The following SORCS2 variants were observed in gnomAD, a reference collection of about 807,000 sequenced individuals.
SORCS2 encodes the protein VPS10 domain-containing receptor SorCS2.
In SORCS2, 100 loss-of-function variants were observed where a neutral mutation model predicts 141.6. That is an observed-to-expected ratio of 0.71 (90% CI 0.60 to 0.83). The LOEUF is 0.83. SORCS2 is among the 40% of genes least tolerant of loss of function. The probability of loss-of-function intolerance (pLI) is 0.00; values close to 1 mark genes in which losing one functional copy is unlikely to be tolerated. For missense variants in SORCS2, 1,646 were observed against 1,560.2 expected (o/e 1.05, Z -0.93); for synonymous variants, 789 against 676.9 (o/e 1.17, Z -2.57).
intron 3 of SORCS2, among the ~76,000 whole-genome samples, chr4:7,544,791 AG>A (rs1277444330): frequency 6.6e-6 from 1 of 151,706 alleles, no homozygotes; most frequent in Non-Finnish European, 1.5e-5. Flanking sequence ...TGCCATCCCC[AG>A]TCTCCCCCAT....
intron 2 of SORCS2, among the ~76,000 whole-genome samples, chr4:7,446,328 C>A (rs536910273): frequency 6.6e-6 from 1 of 152,224 alleles, no homozygotes; most frequent in Admixed American, 6.5e-5. Flanking sequence ...CTTTCAGCAC[C>A]GCCCCTGCCA....
chr4:7,720,029 G>GTACACACGCTCACACA (rs1349664937), intron 18 of SORCS2, among the ~76,000 whole-genome samples: 2 of 152,034 alleles, frequency 1.3e-5, no homozygotes, highest in Non-Finnish European at 1.5e-5. Context: ...ACACTCACTG[G>GTACACACGCTCACACA]TACACACGCT....
chr4:7,202,920 T>C (rs1045734865), intron 1 of SORCS2, among the ~76,000 whole-genome samples: 4 of 151,988 alleles, frequency 2.6e-5, no homozygotes, highest in African/African-American at 7.3e-5. Flanking sequence ...TCACAGCCCC[T>C]ATCTACGTGC....
rs1577146070 is a variant in SORCS2 at position 7,740,891 on chromosome 4, C to T, written c.*627C>T. ...TCTCTGTCTTTATAGCCGGCGGTAGCCACCGGGGTGGCTCTGTCAGAGTTC... is the reference window on the plus strand; with the variant it reads ...TCTCTGTCTTTATAGCCGGCGGTAGTCACCGGGGTGGCTCTGTCAGAGTTC... On this transcript the variant is annotated 3_prime_UTR_variant, in exon 27 of 27. Coordinates refer to ENST00000507866, the MANE Select transcript of SORCS2 (RefSeq NM_020777.3). 2.5e-6 allele frequency: 1 copy of T among 397,786 alleles called. No homozygotes were observed. Among genetic ancestry groups the T allele is most frequent in the Non-Finnish European group, 4.4e-6 (1 of 226,246 alleles). The allele number at this position is 397,786 out of a possible 1,614,324, so 24.6% of individuals were successfully genotyped here. A position where few individuals can be genotyped will look rare whatever the true frequency, so the allele number is the denominator to read the frequency against.
At chr4:7,305,590 C>T (rs2108908586) in intron 1 of SORCS2, among the ~76,000 whole-genome samples, 1 of 152,244 alleles carries the variant, frequency 6.6e-6, no homozygotes, top group South Asian at 2.1e-4. Flanking sequence ...TAAGGCCCCC[C>T]CAGCATCTCA....
chr4:7,287,803 A>G (rs984928268), intron 1 of SORCS2, among the ~76,000 whole-genome samples: 1 of 152,236 alleles, frequency 6.6e-6, no homozygotes, highest in Non-Finnish European at 1.5e-5. Context: ...GAGGGAATGC[A>G]GTGCCACGGA....
chr4:7,260,038 C>G (rs1283761872), intron 1 of SORCS2, among the ~76,000 whole-genome samples: 1 of 152,246 alleles, frequency 6.6e-6, no homozygotes, highest in Non-Finnish European at 1.5e-5. Context: ...CCATACCCCT[C>G]TCACTCCCCT....
intron 7 of SORCS2, 57 bp from the exon 8 acceptor site, chr4:7,667,067 G>A: frequency 6.9e-7 from 1 of 1,449,448 alleles, no homozygotes; most frequent in Admixed American, 1.7e-5. Flanking sequence ...TCATTCATGA[G>A]ACTGTGGCTG....
intron 3 of SORCS2, among the ~76,000 whole-genome samples, chr4:7,627,239 C>T (rs1719569880): frequency 6.6e-6 from 1 of 152,176 alleles, no homozygotes; most frequent in Non-Finnish European, 1.5e-5. Context: ...CCCACCTCGG[C>T]CTCTCAAAAT....
At chr4:7,629,307 C>T (rs1304523938) in intron 3 of SORCS2, among the ~76,000 whole-genome samples, 1 of 152,152 alleles carries the variant, frequency 6.6e-6, no homozygotes. Flanking sequence ...GCCACACAGC[C>T]TCCGGGAAGG....
intron 1 of SORCS2, among the ~76,000 whole-genome samples, chr4:7,324,145 C>T (rs1719087198): frequency 6.6e-6 from 1 of 152,236 alleles, no homozygotes; most frequent in Admixed American, 6.5e-5. Flanking sequence ...GGCAGTCTGG[C>T]TCTAAAGCCT....
intron 2 of SORCS2, among the ~76,000 whole-genome samples, chr4:7,499,734 C>T (rs962805407): frequency 7.0e-6 from 1 of 143,516 alleles, no homozygotes; most frequent in African/African-American, 2.6e-5. Context: ...GCCTTCCTCG[C>T]TCCTCAAACG....
At chr4:7,199,215 C>A (rs1212321794) in intron 1 of SORCS2, among the ~76,000 whole-genome samples, 1 of 152,202 alleles carries the variant, frequency 6.6e-6, no homozygotes, top group African/African-American at 2.4e-5. Flanking sequence ...GTGGGATGGG[C>A]TCCTTCTCTT....
chr4:7,576,449 A>G (rs1445671706), intron 3 of SORCS2, among the ~76,000 whole-genome samples: 3 of 152,246 alleles, frequency 2.0e-5, no homozygotes, highest in African/African-American at 7.2e-5. Context: ...AGCAAGTCAC[A>G]ACAGCCATCG....
At chr4:7,275,996 T>C (rs553138147) in intron 1 of SORCS2, among the ~76,000 whole-genome samples, 27 of 152,162 alleles carry the variant, frequency 1.8e-4, no homozygotes, top group Admixed American at 4.6e-4. Flanking sequence ...GACGGTAGAG[T>C]GAAAACTTCG....
chr4:7,293,833 C>T (rs1206208579), intron 1 of SORCS2, among the ~76,000 whole-genome samples: 1 of 152,110 alleles, frequency 6.6e-6, no homozygotes, highest in Non-Finnish European at 1.5e-5. Context: ...TCCAAATTAG[C>T]GTCTCTCTTT....
At chr4:7,740,162 C>G in intron 26 of SORCS2, 38 bp from the exon 27 acceptor site, 2 of 1,575,924 alleles carry the variant, frequency 1.3e-6, no homozygotes, top group Non-Finnish European at 1.7e-6. Context: ...CAGTCCCGGG[C>G]TTGTGCTCAC....
chr4:7,319,382 C>T (rs925192123), intron 1 of SORCS2, among the ~76,000 whole-genome samples: 2 of 152,060 alleles, frequency 1.3e-5, no homozygotes, highest in African/African-American at 4.8e-5. Context: ...CGACTTGTCT[C>T]GTCTGACTTA....
chr4:7,586,200 A>G (rs1023408488), intron 3 of SORCS2, among the ~76,000 whole-genome samples: 3 of 152,102 alleles, frequency 2.0e-5, no homozygotes, highest in Non-Finnish European at 4.4e-5. Context: ...CCTCCCATTA[A>G]TTTGACTGAT....
Sources: allele counts gnomAD v4.1 joint callset (sites outside exome capture counted in the v4.1 genomes callset), GRCh38; gene constraint gnomAD v4.1.1; transcripts MANE v1.5; gene names NCBI Gene and HGNC (gene_info 2026-07-23, HGNC 2026-07-21).